Variants in RALGAPB observed in about 807,000 individuals in gnomAD.
RALGAPB encodes the protein Ral GTPase activating protein non-catalytic subunit beta, also known as ral GTPase-activating protein subunit beta.
RALGAPB carries 25 observed loss-of-function variants against 161.1 expected under a neutral mutation model. The observed-to-expected ratio is 0.16, with a 90% confidence interval of 0.11 to 0.22. The LOEUF is 0.22. RALGAPB is among the 10% of genes least tolerant of loss of function. RALGAPB has a pLI of 1.00. For synonymous variants in RALGAPB, 629 were observed against 626.1 expected, an observed-to-expected ratio of 1.00 and a Z score of -0.07; for missense variants, 1,391 against 1,815.2, an observed-to-expected ratio of 0.77 and a Z score of 4.25.
At chr20:38,538,990 A>G (rs1600988248) in intron 16 of RALGAPB, among the ~76,000 whole-genome samples, 1 of 152,350 alleles carries the variant, frequency 6.6e-6, no homozygotes, top group East Asian at 1.9e-4. Flanking sequence ...AAACAACCCA[A>G]TGTCCATTAA....
intron 13 of RALGAPB, among the ~76,000 whole-genome samples, chr20:38,527,820 A>G (rs1166422041): frequency 1.3e-5 from 2 of 152,216 alleles, no homozygotes; most frequent in Admixed American, 6.5e-5. Context: ...GGCACTCCCT[A>G]TGTACTTTCC....
At chr20:38,522,956 G>A (rs2086334887) in intron 10 of RALGAPB, among the ~76,000 whole-genome samples, 1 of 152,084 alleles carries the variant, frequency 6.6e-6, no homozygotes, top group Admixed American at 6.5e-5. Flanking sequence ...TCTCTTCTCT[G>A]CAGATCATTT....
chr20:38,540,639 A>G (rs1248015132), intron 17 of RALGAPB, among the ~76,000 whole-genome samples: 1 of 152,190 alleles, frequency 6.6e-6, no homozygotes, highest in Non-Finnish European at 1.5e-5. Context: ...TTTGGATATT[A>G]TAATATGTCT....
intron 19 of RALGAPB, 72 bp from the exon 20 acceptor site, chr20:38,548,617 C>A: frequency 1.7e-6 from 2 of 1,159,032 alleles, no homozygotes; most frequent in Non-Finnish European, 1.3e-6. Context: ...AGAAGCTCTG[C>A]AGTTGATAAC....
At chr20:38,508,666 A>G (rs2085842825) in intron 5 of RALGAPB, among the ~76,000 whole-genome samples, 1 of 152,184 alleles carries the variant, frequency 6.6e-6, no homozygotes, top group Non-Finnish European at 1.5e-5. Context: ...AGATGCTGAT[A>G]ACAACACGTG....
intron 25 of RALGAPB, 132 bp downstream of exon 25, chr20:38,565,610 T>C: frequency 8.5e-7 from 1 of 1,172,264 alleles, no homozygotes; most frequent in Non-Finnish European, 1.2e-6. Flanking sequence ...TATAACAATA[T>C]GCAGAAGCAC....
chr20:38,501,463 TGTG>T (rs1376987258), intron 5 of RALGAPB, among the ~76,000 whole-genome samples: 1 of 152,280 alleles, frequency 6.6e-6, no homozygotes, highest in East Asian at 1.9e-4. Flanking sequence ...AATAGCCAGG[TGTG>T]GTGGCTTGCG....
intron 14 of RALGAPB, 116 bp downstream of exon 14, chr20:38,531,347 C>T: frequency 2.4e-6 from 2 of 848,870 alleles, no homozygotes; most frequent in African/African-American, 3.5e-5. Context: ...AAATCCTGCT[C>T]ATTGGCTCAG....
chr20:38,531,027 C>T, intron 13 of RALGAPB, 140 bp from the exon 14 acceptor site: 1 of 685,188 alleles, frequency 1.5e-6, no homozygotes, highest in Non-Finnish European at 2.5e-6. Flanking sequence ...TGTTTAAGAG[C>T]CAACTATAAT....
chr20:38,474,265 A>G (rs973677918), intron 1 of RALGAPB, among the ~76,000 whole-genome samples: 7 of 151,840 alleles, frequency 4.6e-5, no homozygotes, highest in Admixed American at 2.0e-4. Flanking sequence ...GCTCTCTCCT[A>G]TATGCATATA....
At chr20:38,475,016 C>T (rs777075803) in intron 1 of RALGAPB, among the ~76,000 whole-genome samples, 1 of 152,208 alleles carries the variant, frequency 6.6e-6, no homozygotes, top group Non-Finnish European at 1.5e-5. Flanking sequence ...GTTGAACACA[C>T]ACATTGAGTT....
intron 4 of RALGAPB, 114 bp downstream of exon 4, chr20:38,497,630 A>G (rs2085466179): frequency 6.3e-6 from 7 of 1,103,824 alleles, no homozygotes; most frequent in Middle Eastern, 2.2e-4. Flanking sequence ...ATGGTTTACA[A>G]ACAAAGGTTA....
In RALGAPB at chr20:38,570,780, C is replaced by T. The variant is rs764158594; in HGVS notation, c.4075C>T (p.Leu1359Phe). The T allele has an allele frequency of 6.2e-7, 1 of 1,603,352 alleles. No homozygotes were observed. Among genetic ancestry groups the T allele is most frequent in the Non-Finnish European group, 8.5e-7 (1 of 1,171,244 alleles). Residue 1359 changes from leucine to phenylalanine, a missense_variant, in exon 28 of 30, where the codon CTC becomes TTC. By Grantham distance (22) the Leu-to-Phe change is conservative (BLOSUM62 0). This residue lies in a region of RALGAPB where 436 missense variants were observed against 527.0 expected (regional missense o/e 0.83). Transcript: ENST00000262879. ...ERYDDIENFP[L>F]SELMTEISTG... ...TTATTTTCTTCCAGAAAACTTTCCC[C>T]TCTCAGAGCTGATGACAGAGATCAG...
intron 16 of RALGAPB, among the ~76,000 whole-genome samples, chr20:38,536,820 C>T (rs556380383): frequency 2.6e-5 from 4 of 152,226 alleles, no homozygotes; most frequent in Admixed American, 1.3e-4. Flanking sequence ...CTGTAAGAAA[C>T]AAAATAAGCA....
chr20:38,494,196 A>C (rs775114594), intron 3 of RALGAPB, among the ~76,000 whole-genome samples: 1 of 151,964 alleles, frequency 6.6e-6, no homozygotes, highest in Non-Finnish European at 1.5e-5. Flanking sequence ...CATCTAACCA[A>C]CTCAAAGGCA....
intron 21 of RALGAPB, among the ~76,000 whole-genome samples, chr20:38,552,901 A>T (rs1423300774): frequency 1.3e-5 from 2 of 152,126 alleles, no homozygotes; most frequent in Admixed American, 1.3e-4. Context: ...ACAGGTGTGG[A>T]AATTTGGAAG....
At chr20:38,517,733 T>C in intron 8 of RALGAPB, 51 bp from the exon 9 acceptor site, 1 of 1,604,680 alleles carries the variant, frequency 6.2e-7, no homozygotes, top group Middle Eastern at 1.7e-4. Flanking sequence ...AGTCTTGCTA[T>C]TTTCTCAGAC....
At chr20:38,560,286 G>A (rs937608433) in intron 23 of RALGAPB, among the ~76,000 whole-genome samples, 2 of 152,320 alleles carry the variant, frequency 1.3e-5, no homozygotes, top group African/African-American at 4.8e-5. Context: ...GGTCATTAAA[G>A]CATGTTATAG....
Sources: gnomAD v4.1 joint callset for allele counts (sites outside exome capture counted in the v4.1 genomes callset) on GRCh38, gnomAD v4.1.1 for gene constraint, gnomAD v4.1.1 regional missense constraint, MANE v1.5 for transcripts, NCBI Gene and HGNC (gene_info 2026-07-23, HGNC 2026-07-21) for gene names.